Variants in GRM1 observed in about 807,000 individuals in gnomAD.
GRM1 encodes the protein metabotropic glutamate receptor 1.
In GRM1, 33 loss-of-function variants were observed where a neutral mutation model predicts 90.9. The ratio of observed to expected loss-of-function variants is 0.36; its 90% CI spans 0.28 to 0.49. GRM1 has a LOEUF of 0.49. Ranked by LOEUF, GRM1 falls within the 20% of genes least tolerant of loss-of-function variation. GRM1 has a pLI of 0.99. For missense variants in GRM1, 1,190 were observed against 1,534.3 expected (o/e 0.78, Z 3.75); for synonymous variants, 700 against 613.2 (o/e 1.14, Z -2.09).
chr6:146,122,384 G>T (rs1424586668), intron 1 of GRM1, among the ~76,000 whole-genome samples: 1 of 151,830 alleles, frequency 6.6e-6, no homozygotes, highest in Admixed American at 6.6e-5. Flanking sequence ...CCACAAATTT[G>T]CCCCACCCCC....
rs571545652 is a variant in GRM1, at chr6:146,380,205, C to T, written c.1603-6685C>T. 2.6e-5 allele frequency among the ~76,000 whole-genome samples: 4 copies of T among 152,176 alleles called. No individual in the cohort carries two copies. In the East Asian group the frequency reaches 5.8e-4, roughly 22 times the overall value. On this transcript the variant is annotated intron_variant, in intron 5 of 7. Transcript: ENST00000282753. The stretch of plus-strand genomic sequence containing the variant: ...CTTGCCTTCAGGACAGCAAGGTCTC[C>T]CAGAGCCCTGTGTGGATTTGGAAGT...
At chr6:146,159,759 T>A (rs1777651466) in intron 2 of GRM1, 162 bp downstream of exon 2, 1 of 647,876 alleles carries the variant, frequency 1.5e-6, no homozygotes, top group South Asian at 1.9e-5. Context: ...TAGTTCTGGA[T>A]CTCACTGTTA....
chr6:146,040,329 A>G (rs1791052783), intron 1 of GRM1, among the ~76,000 whole-genome samples: 1 of 151,904 alleles, frequency 6.6e-6, no homozygotes, highest in African/African-American at 2.4e-5. Context: ...CAGTGTTAGA[A>G]TGTTCTGAAT....
chr6:146,134,271 G>T (rs1236642046), intron 1 of GRM1, among the ~76,000 whole-genome samples: 1 of 152,160 alleles, frequency 6.6e-6, no homozygotes, highest in East Asian at 1.9e-4. Flanking sequence ...ATGCAAAATG[G>T]CATGTTGTGG....
chr6:146,303,055 TAA>T (rs1783450567), intron 2 of GRM1, among the ~76,000 whole-genome samples: 2 of 152,152 alleles, frequency 1.3e-5, no homozygotes, highest in South Asian at 4.1e-4. Context: ...TGGGTCAGGT[TAA>T]GTCAGCTATA....
chr6:146,406,998 G>T (rs1186031158), intron 7 of GRM1, among the ~76,000 whole-genome samples: 2 of 152,104 alleles, frequency 1.3e-5, no homozygotes, highest in Non-Finnish European at 2.9e-5. Flanking sequence ...ATCCCTGACG[G>T]GTCATAGTGC....
chr6:146,039,993 G>T lies in GRM1; in HGVS notation c.700+9776G>T, dbSNP rs1471790822. Among the ~76,000 whole-genome samples the T allele has an allele frequency of 2.6e-5, 4 of 151,976 alleles. No homozygotes were observed. In the East Asian group the frequency reaches 7.7e-4, roughly 29 times the overall value. On this transcript the variant is annotated intron_variant, in intron 1 of 7. Coordinates refer to ENST00000282753, the MANE Select transcript of GRM1 (RefSeq NM_001278064.2). ...CCGATCTGGAAAGAGAGTTATATTT[G>T]AAATTTGTCAGAAAATATCTGGTTA...
chr6:146,364,332 A>G (rs1223704758), intron 5 of GRM1, among the ~76,000 whole-genome samples: 2 of 152,190 alleles, frequency 1.3e-5, no homozygotes, highest in African/African-American at 4.8e-5. Flanking sequence ...TTTGTCTTGA[A>G]TATGATAGCA....
chr6:146,285,187 G>T (rs986842146), intron 2 of GRM1, among the ~76,000 whole-genome samples: 3 of 152,146 alleles, frequency 2.0e-5, no homozygotes, highest in Admixed American at 6.6e-5. Context: ...ACACTTACTG[G>T]CTATATCAAA....
rs372046223 is a variant in GRM1, at chr6:146,286,255, A to G, written c.951-18356A>G. On this transcript the variant is annotated intron_variant, in intron 2 of 7. Coordinates refer to ENST00000282753, the MANE Select transcript of GRM1 (RefSeq NM_001278064.2). ...TATTTTAAATTTCCTCCAAATTTCCAAAGCTGTCTATTCTAAGAAAACTCG... is the reference window on the plus strand; with the variant it reads ...TATTTTAAATTTCCTCCAAATTTCCGAAGCTGTCTATTCTAAGAAAACTCG... 1.2e-4 allele frequency among the ~76,000 whole-genome samples: 18 copies of G among 152,296 alleles called. No homozygotes were observed. The South Asian group carries it at 1.7e-3, about 14-fold the overall frequency.
At chr6:146,379,428 TAATTATTTC>T (rs1370400686) in intron 5 of GRM1, among the ~76,000 whole-genome samples, 2 of 152,180 alleles carry the variant, frequency 1.3e-5, no homozygotes, top group Non-Finnish European at 2.9e-5. Context: ...TGTTTCTTTT[TAATTATTTC>T]AATCTCTGTT....
intron 3 of GRM1, among the ~76,000 whole-genome samples, chr6:146,318,508 G>A (rs1240570426): frequency 6.6e-6 from 1 of 152,020 alleles, no homozygotes; most frequent in African/African-American, 2.4e-5. Context: ...TAATCCTTTG[G>A]GTATATACCC....
At chr6:146,332,155 T>C (rs112980774) in intron 3 of GRM1, among the ~76,000 whole-genome samples, 30 of 152,304 alleles carry the variant, frequency 2.0e-4, no homozygotes, top group African/African-American at 6.7e-4. Context: ...ATGCATTGTG[T>C]GTATCTGCCA....
intron 2 of GRM1, among the ~76,000 whole-genome samples, chr6:146,267,736 GTCTCGTCTCGTCTCGTCTCGTCTCT>G (rs1781971248): frequency 1.3e-5 from 2 of 148,406 alleles, no homozygotes; most frequent in South Asian, 4.3e-4. Flanking sequence ...GTCTCGTCTC[GTCTCGTCTCGTCTCGTCTCGTCTCT>G]TCATGTTTTT....
At chr6:146,096,234 G>C (rs1776869751) in intron 1 of GRM1, among the ~76,000 whole-genome samples, 1 of 152,108 alleles carries the variant, frequency 6.6e-6, no homozygotes, top group African/African-American at 2.4e-5. Flanking sequence ...AATTTGATGA[G>C]TTTGGAAGTA....
chr6:146,422,192 A>T (rs1375304747), intron 7 of GRM1, among the ~76,000 whole-genome samples: 1 of 152,202 alleles, frequency 6.6e-6, no homozygotes, highest in Non-Finnish European at 1.5e-5. Flanking sequence ...AACTTCATAG[A>T]CAGCTAACCT....
chr6:146,399,477 T>C lies in GRM1; in HGVS notation c.2438T>C (p.Ile813Thr), dbSNP rs1777076476. ...PIYFGSNYKI[I>T]TTCFAVSLSV... ...TACTTTGGGAGCAACTACAAGATCATCACAACTTGCTTTGCAGTGAGTCTC... is the reference window on the plus strand; with the variant it reads ...TACTTTGGGAGCAACTACAAGATCACCACAACTTGCTTTGCAGTGAGTCTC... The change falls in exon 7 of 8, where the codon ATC becomes ACC. Residue 813 changes from isoleucine to threonine, a missense_variant. Ile to Thr is a moderately conservative substitution (Grantham distance 89). Around this residue, in one of 10 missense-constraint regions of GRM1, gnomAD observed 73 missense variants for 150.6 expected, o/e 0.48. Transcript: ENST00000282753. The surrounding 1 kb of genome is among the most constrained non-coding windows in gnomAD (Gnocchi z 5.4). The C allele has an allele frequency of 6.2e-7, 1 of 1,614,066 alleles. No homozygotes were observed. The highest frequency in any genetic ancestry group is 8.5e-7 in the Non-Finnish European group (1 of 1,180,004).
intron 2 of GRM1, among the ~76,000 whole-genome samples, chr6:146,274,437 T>C (rs1782283183): frequency 6.6e-6 from 1 of 152,228 alleles, no homozygotes; most frequent in African/African-American, 2.4e-5. Context: ...GTGGAAGTGA[T>C]GCTTAATTTC....
chr6:146,309,417 CA>C (rs1783701981), intron 3 of GRM1, among the ~76,000 whole-genome samples: 1 of 151,458 alleles, frequency 6.6e-6, no homozygotes, highest in Non-Finnish European at 1.5e-5. Flanking sequence ...AAAAACAGAA[CA>C]TTTTTAAGCT....
Sources: allele counts gnomAD v4.1 joint callset (sites outside exome capture counted in the v4.1 genomes callset), GRCh38; gene constraint gnomAD v4.1.1; regional missense constraint gnomAD v4.1.1; non-coding constraint Gnocchi (gnomAD v3.1); transcripts MANE v1.5; gene names NCBI Gene and HGNC (gene_info 2026-07-23, HGNC 2026-07-21).